HUWE1: variants seen among roughly 807,000 people sequenced by gnomAD.
The protein encoded by HUWE1 is E3 ubiquitin-protein ligase HUWE1.
HUWE1 carries 18 observed loss-of-function variants against 299.4 expected under a neutral mutation model. The ratio of observed to expected loss-of-function variants is 0.06; its 90% CI spans 0.04 to 0.09. HUWE1 has a LOEUF of 0.09. Ranked by LOEUF, HUWE1 falls within the 10% of genes least tolerant of loss-of-function variation. The pLI, the probability that HUWE1 is intolerant of heterozygous loss-of-function variation, is 1.00. For missense variants in HUWE1, 1,832 were observed against 3,462.3 expected (o/e 0.53, Z 11.82); for synonymous variants, 1,317 against 1,286.1 (o/e 1.02, Z -0.51).
At chrX:53,561,272 G>A (rs1265330803) in intron 55 of HUWE1, among the ~76,000 whole-genome samples, 1 of 112,011 alleles carries the variant, frequency 8.9e-6, no homozygotes, top group Non-Finnish European at 1.9e-5. Flanking sequence ...GAAGTTTCAC[G>A]GTGATGGGGG....
At chrX:53,581,147 G>T in intron 42 of HUWE1, 121 bp from the exon 43 acceptor site, 1 of 593,748 alleles carries the variant, frequency 1.7e-6, no homozygotes, top group Non-Finnish European at 2.6e-6. Context: ...TTATTTTTAA[G>T]TCCCGTCCCA....
intron 28 of HUWE1, among the ~76,000 whole-genome samples, chrX:53,601,385 T>C (rs2064831392): frequency 9.1e-6 from 1 of 110,037 alleles, no homozygotes; most frequent in Non-Finnish European, 1.9e-5. Flanking sequence ...AGTTTCGTCA[T>C]GTTGCCCAAG....
intron 4 of HUWE1, among the ~76,000 whole-genome samples, chrX:53,651,248 C>T (rs1935208636): frequency 9.1e-6 from 1 of 109,981 alleles, no homozygotes; most frequent in Non-Finnish European, 1.9e-5. Flanking sequence ...ACTCACGTTG[C>T]CATCACCACA....
chrX:53,592,631 G>A lies in HUWE1; in HGVS notation c.3742-3C>T, dbSNP rs781971623. 1.7e-6 allele frequency: 2 copies of A among 1,163,410 alleles called. No individual in the cohort carries two copies. The highest frequency in any genetic ancestry group is 2.3e-6 in the Non-Finnish European group (2 of 854,160). On this transcript the variant is annotated splice_polypyrimidine_tract_variant and splice_region_variant and intron_variant, in intron 32 of 83. Coordinates refer to ENST00000262854, the MANE Select transcript of HUWE1 (RefSeq NM_031407.7). ...TTTTTGATGCAAGTAAAGGCTGCCT[G>A]TAAGTAATTTGAAAAGTGTGTGAAA...
At chrX:53,538,688 G>A in intron 76 of HUWE1, 147 bp downstream of exon 76, 1 of 621,541 alleles carries the variant, frequency 1.6e-6, no homozygotes, top group East Asian at 3.6e-5. Context: ...GTGCACGGGT[G>A]TGTGTATGTA....
chrX:53,592,204 G>A (rs192976597), intron 33 of HUWE1, among the ~76,000 whole-genome samples, 194 bp downstream of exon 33: 1 of 111,825 alleles, frequency 8.9e-6, no homozygotes, highest in African/African-American at 3.3e-5. Flanking sequence ...AGTATTACCT[G>A]TGCAGAGCAT....
chrX:53,600,677 T>C (rs1362912446), intron 28 of HUWE1, among the ~76,000 whole-genome samples: 2 of 112,732 alleles, frequency 1.8e-5, no homozygotes, highest in Non-Finnish European at 3.7e-5. Flanking sequence ...AAGTTCAAAC[T>C]AGACATCACA....
intron 5 of HUWE1, 106 bp from the exon 6 acceptor site, chrX:53,647,680 C>A: frequency 1.6e-6 from 1 of 614,063 alleles, no homozygotes; most frequent in Non-Finnish European, 2.8e-6. Context: ...GACACCTAGA[C>A]AAGTTCACGT....
At chrX:53,669,541 G>T (rs1462878312) in intron 3 of HUWE1, among the ~76,000 whole-genome samples, 1 of 112,334 alleles carries the variant, frequency 8.9e-6, no homozygotes, top group African/African-American at 3.2e-5. Context: ...ACTATCTGTA[G>T]TACTTTGCCT....
intron 30 of HUWE1, 146 bp from the exon 31 acceptor site, chrX:53,594,767 T>G: frequency 1.7e-6 from 1 of 578,745 alleles, no homozygotes; most frequent in Non-Finnish European, 2.8e-6. Flanking sequence ...AGTATCCCTA[T>G]CAGAAAATTC....
At chrX:53,644,219 C>A (rs922768966) in intron 7 of HUWE1, among the ~76,000 whole-genome samples, 1 of 112,431 alleles carries the variant, frequency 8.9e-6, no homozygotes, top group Non-Finnish European at 1.9e-5. Flanking sequence ...TAATGTCTGA[C>A]ATTTTTGTGT....
intron 29 of HUWE1, among the ~76,000 whole-genome samples, chrX:53,596,260 A>G (rs183567510): frequency 2.4e-4 from 27 of 111,765 alleles, no homozygotes; most frequent in Admixed American, 3.8e-4. Flanking sequence ...TTTTTTTTCA[A>G]TAGATATACT....
chrX:53,680,997 T>G (rs1293737315), intron 2 of HUWE1, among the ~76,000 whole-genome samples: 1 of 111,468 alleles, frequency 9.0e-6, no homozygotes, highest in Non-Finnish European at 1.9e-5. Context: ...CCTGTAAATT[T>G]TAAATCCTAG....
At chrX:53,612,108 A>G in intron 23 of HUWE1, among the ~76,000 whole-genome samples, 1 of 111,785 alleles carries the variant, frequency 8.9e-6, no homozygotes, top group African/African-American at 3.2e-5. Context: ...TAGAAGATAA[A>G]AAGAACTTTT....
chrX:53,543,761 G>A, intron 73 of HUWE1, 80 bp downstream of exon 73: 2 of 1,192,606 alleles, frequency 1.7e-6, no homozygotes, highest in African/African-American at 3.5e-5. Flanking sequence ...CAAGGTAAAG[G>A]CAATGAAACC....
chrX:53,611,211 AAAG>A (rs1569489728), intron 23 of HUWE1, among the ~76,000 whole-genome samples: 1 of 107,552 alleles, frequency 9.3e-6, no homozygotes, highest in Non-Finnish European at 1.9e-5. Context: ...AAAAAAAAAG[AAAG>A]GGTAGTGTCT....
rs782131861 is a variant in HUWE1, at chrX:53,629,903, T to TTTGATG, written c.863-288_863-287insCATCAA. 4.4e-5 allele frequency among the ~76,000 whole-genome samples: 5 copies of TTTGATG among 112,606 alleles called. No homozygotes were observed. The Admixed American group carries it at 4.7e-4, about 11-fold the overall frequency. ...AGCTCTGAGTTAATTTTTCATAACA[T>TTTGATG]TACTACTTGATGTAACTCCACTATG... On this transcript the variant is annotated intron_variant, in intron 12 of 83. Transcript: ENST00000262854.
intron 24 of HUWE1, 112 bp from the exon 25 acceptor site, chrX:53,607,811 G>A (rs893415238): frequency 1.9e-6 from 1 of 520,205 alleles, no homozygotes; most frequent in Non-Finnish European, 3.4e-6. Flanking sequence ...GTTTTCTATA[G>A]AGTATCAAAA....
chrX:53,617,863 C>T (rs187693458), intron 19 of HUWE1, among the ~76,000 whole-genome samples: 1,555 of 111,769 alleles, frequency 0.014, 28 homozygotes, highest in African/African-American at 0.048. Flanking sequence ...TTTTTGTCTG[C>T]TTTTAACAGG....
Sources: gnomAD v4.1 joint callset for allele counts (sites outside exome capture counted in the v4.1 genomes callset) on GRCh38, gnomAD v4.1.1 for gene constraint, MANE v1.5 for transcripts, NCBI Gene and HGNC (gene_info 2026-07-23, HGNC 2026-07-21) for gene names.